The following TNFRSF1A variants were observed in gnomAD, a reference collection of about 807,000 sequenced individuals.
TNFRSF1A encodes tumor necrosis factor receptor superfamily member 1A.
Under a neutral mutation model 41.6 loss-of-function variants are expected in TNFRSF1A, and 9 were observed. That is an observed-to-expected ratio of 0.22 (90% CI 0.13 to 0.38). TNFRSF1A has a LOEUF of 0.38. TNFRSF1A is among the 10% of genes least tolerant of loss of function. The pLI is 1.00. For missense variants in TNFRSF1A, 463 were observed against 591.5 expected (o/e 0.78, Z 2.25); for synonymous variants, 254 against 248.6 (o/e 1.02, Z -0.21).
At chr12:6,332,427 C>A (rs1948062138) in intron 5 of TNFRSF1A, among the ~76,000 whole-genome samples, 1 of 127,028 alleles carries the variant, frequency 7.9e-6, no homozygotes, top group East Asian at 2.2e-4. Context: ...GAGTGAAACC[C>A]TGTCTCAAAA....
chr12:6,338,306 G>A (rs1025962340), intron 1 of TNFRSF1A, among the ~76,000 whole-genome samples: 5 of 151,908 alleles, frequency 3.3e-5, no homozygotes, highest in South Asian at 2.1e-4. Context: ...TATCCCTGCC[G>A]CCATCCCATG....
rs199915817 is a variant in TNFRSF1A at position 6,341,895 on chromosome 12, C to T, written c.-81G>A. On this transcript the variant is annotated 5_prime_UTR_variant, in exon 1 of 10. Coordinates refer to ENST00000162749, the MANE Select transcript of TNFRSF1A (RefSeq NM_001065.4). This position sits in a 1 kb window ranked among gnomAD's most constrained non-coding sequence, Gnocchi z 4.6. ...GGCAGTGCTGGGGCTTCCCGGGACTCGGTCTGTCCAGGACGTCCCAAGTGC... is the reference window on the plus strand; with the variant it reads ...GGCAGTGCTGGGGCTTCCCGGGACTTGGTCTGTCCAGGACGTCCCAAGTGC... 1.4e-4 allele frequency: 217 copies of T among 1,537,974 alleles called. 3 individuals are homozygous for T. The highest frequency in any genetic ancestry group is 1.7e-4 in the Middle Eastern group (1 of 5,946).
rs4149581 is a variant in TNFRSF1A, at chr12:6,337,819, T to A, written c.40-3575A>T. Among the ~76,000 whole-genome samples the A allele has an allele frequency of 2.6e-5, 4 of 151,888 alleles. No homozygotes were observed. The highest frequency in any genetic ancestry group is 7.2e-5 in the African/African-American group (3 of 41,488). On this transcript the variant is annotated intron_variant, in intron 1 of 9. Coordinates refer to ENST00000162749, the MANE Select transcript of TNFRSF1A (RefSeq NM_001065.4). The surrounding 1 kb of genome is among the most constrained non-coding windows in gnomAD (Gnocchi z 4.6). ...AGTGTCTTATCCTCCCCTGGTGTCCTCTCAGCTCCCAGAACCAGACCTCCA... is the reference window on the plus strand; with the variant it reads ...AGTGTCTTATCCTCCCCTGGTGTCCACTCAGCTCCCAGAACCAGACCTCCA...
At chr12:6,335,293 G>C (rs1201139927) in intron 1 of TNFRSF1A, among the ~76,000 whole-genome samples, 1 of 152,150 alleles carries the variant, frequency 6.6e-6, no homozygotes, top group Non-Finnish European at 1.5e-5. Context: ...GGGTAGACGG[G>C]GGACAAAGTT....
Position 6,330,152 on chromosome 12 carries a change from G to C in TNFRSF1A, c.769-86C>G, listed in dbSNP as rs11064142. ...TATTCTACGTGGGGGTTGGGACTTA[G>C]AGGGAATGAGGCGAGCCCCCGGAAA... On this transcript the variant is annotated intron_variant, in intron 8 of 9. Coordinates refer to ENST00000162749, the MANE Select transcript of TNFRSF1A (RefSeq NM_001065.4). The C allele has an allele frequency of 7.1e-5, 115 of 1,611,654 alleles. No homozygotes were observed. The South Asian group carries it at 1.1e-3, about 16-fold the overall frequency.
At position 6,330,587 on chromosome 12, in the gene TNFRSF1A, C is replaced by A; in HGVS notation, c.739+11G>T. ...CACCAGCTCCCTCTCCCTCCCAAAG[C>A]CCCCACTCACCAATGGAGTAGAGCT... On this transcript the variant is annotated intron_variant, in intron 7 of 9. Transcript: ENST00000162749. 6.3e-7 allele frequency: 1 copy of A among 1,594,412 alleles called. No individual in the cohort carries two copies. The highest frequency in any genetic ancestry group is 1.1e-5 in the South Asian group (1 of 90,530).
intron 5 of TNFRSF1A, chr12:6,331,455 G>A (rs1323302733): frequency 4.8e-6 from 1 of 209,994 alleles, no homozygotes; most frequent in African/African-American, 2.3e-5. Context: ...CGGGGAGTCG[G>A]GGTCAAACAT....
chr12:6,333,044 C>T lies in TNFRSF1A; in HGVS notation c.551+25G>A, dbSNP rs374243635. ...TCCCAACCCATGCCACCATCCAGTG[C>T]CCAGCAGCTCTCAGAGATACTCACT... On this transcript the variant is annotated intron_variant, in intron 5 of 9. Coordinates refer to ENST00000162749, the MANE Select transcript of TNFRSF1A (RefSeq NM_001065.4). This position sits in a 1 kb window ranked among gnomAD's most constrained non-coding sequence, Gnocchi z 6.3. 4 of 1,608,278 alleles carry T rather than the reference C, an allele frequency of 2.5e-6. No homozygotes were observed. In the African/African-American group the frequency reaches 5.3e-5, roughly 21 times the overall value.
In TNFRSF1A at chr12:6,333,971, G is replaced by T; in HGVS notation, c.194-106C>A. The T allele has an allele frequency of 6.2e-7, 1 of 1,609,926 alleles. No homozygotes were observed. Among genetic ancestry groups the T allele is most frequent in the South Asian group, 1.1e-5 (1 of 90,812 alleles). On this transcript the variant is annotated intron_variant, in intron 2 of 9. Coordinates refer to ENST00000162749, the MANE Select transcript of TNFRSF1A (RefSeq NM_001065.4). The surrounding 1 kb of genome is among the most constrained non-coding windows in gnomAD (Gnocchi z 6.3). ...ATTCCCTGAAGTCTCTAGGAGAGGA[G>T]GGAGGGAGAAAATCCCAGCCCAGGA...
At chr12:6,331,716 A>G (rs1485040799) in intron 5 of TNFRSF1A, 1 of 164,236 alleles carries the variant, frequency 6.1e-6, no homozygotes, top group Non-Finnish European at 1.3e-5. Flanking sequence ...TTTCAAGAAG[A>G]GATGAAGCCG....
chr12:6,330,776 G>C, intron 6 of TNFRSF1A, 65 bp from the exon 7 acceptor site: 1 of 1,576,272 alleles, frequency 6.3e-7, no homozygotes, highest in Non-Finnish European at 8.7e-7. Flanking sequence ...TAGATGGATG[G>C]GTGGGATGGA....
Position 6,333,625 on chromosome 12 carries a change from C to T in TNFRSF1A, c.323-109G>A. On this transcript the variant is annotated intron_variant, in intron 3 of 9. Coordinates refer to ENST00000162749, the MANE Select transcript of TNFRSF1A (RefSeq NM_001065.4). This position sits in a 1 kb window ranked among gnomAD's most constrained non-coding sequence, Gnocchi z 6.3. ...TCTGTAATACACACTCACATCCATGCAGTGTCCCACCAAAACACACACCTT... is the reference window on the plus strand; with the variant it reads ...TCTGTAATACACACTCACATCCATGTAGTGTCCCACCAAAACACACACCTT... The T allele has an allele frequency of 6.3e-7, 1 of 1,577,572 alleles. No individual in the cohort carries two copies. The highest frequency in any genetic ancestry group is 8.6e-7 in the Non-Finnish European group (1 of 1,158,972).
At chr12:6,332,644 T>C (rs947787190) in intron 5 of TNFRSF1A, among the ~76,000 whole-genome samples, 10 of 152,002 alleles carry the variant, frequency 6.6e-5, no homozygotes, top group Non-Finnish European at 1.3e-4. Context: ...GGAAATACCA[T>C]ATTGCATCAA....
rs1463246386 is a variant in TNFRSF1A at position 6,337,995 on chromosome 12, C to T, written c.40-3751G>A. ...TATCTCCGGGGGAGAGTTTTCAGAC[C>T]ATCCCCCCACCTCCCCACACACAAG... On this transcript the variant is annotated intron_variant, in intron 1 of 9. Transcript: ENST00000162749. The surrounding 1 kb of genome is among the most constrained non-coding windows in gnomAD (Gnocchi z 4.6). Among the ~76,000 whole-genome samples the T allele has an allele frequency of 6.6e-6, 1 of 152,056 alleles. No individual in the cohort carries two copies. The highest frequency in any genetic ancestry group is 1.9e-4 in the East Asian group (1 of 5,192).
At chr12:6,335,806 G>A (rs1180067906) in intron 1 of TNFRSF1A, among the ~76,000 whole-genome samples, 4 of 152,156 alleles carry the variant, frequency 2.6e-5, no homozygotes, top group South Asian at 2.1e-4. Context: ...AGTCAGCCAC[G>A]GGGAGACGCT....
In TNFRSF1A at chr12:6,332,880, A is replaced by T. The variant is rs556454151; in HGVS notation, c.551+189T>A. On this transcript the variant is annotated intron_variant, in intron 5 of 9. Transcript: ENST00000162749. ...GGGGCATGATCTTCCATCCTCAAAG[A>T]CTTCTTCAGATTTGAAGAGCAAGGG... Among the ~76,000 whole-genome samples the T allele has an allele frequency of 4.7e-4, 72 of 152,294 alleles. No homozygotes were observed. The South Asian group carries it at 6.0e-3, about 13-fold the overall frequency.
In TNFRSF1A at chr12:6,330,940, C is replaced by T. The variant is rs200381667; in HGVS notation, c.552-14G>A. 22 of 1,611,960 alleles carry T rather than the reference C, an allele frequency of 1.4e-5. No homozygotes were observed. The East Asian group carries it at 2.5e-4, about 18-fold the overall frequency. ...CTTTTCTTACAGCTAAAAGAAGAGA[C>T]GGCACTGGTGAACAGAGGCCCTACC... On this transcript the variant is annotated splice_polypyrimidine_tract_variant and intron_variant, in intron 5 of 9. Coordinates refer to ENST00000162749, the MANE Select transcript of TNFRSF1A (RefSeq NM_001065.4).
At chr12:6,331,137 G>T in intron 5 of TNFRSF1A, 1 of 608,878 alleles carries the variant, frequency 1.6e-6, no homozygotes, top group Non-Finnish European at 3.0e-6. Context: ...AAAAGGCTGT[G>T]TAGAAAATGT....
At chr12:6,340,790 A>G (rs964645937) in intron 1 of TNFRSF1A, among the ~76,000 whole-genome samples, 9 of 152,156 alleles carry the variant, frequency 5.9e-5, no homozygotes, top group African/African-American at 2.2e-4. Context: ...CTGCCTGACT[A>G]GATGGGCCCA....
Sources: allele counts gnomAD v4.1 joint callset (sites outside exome capture counted in the v4.1 genomes callset), GRCh38; gene constraint gnomAD v4.1.1; non-coding constraint Gnocchi (gnomAD v3.1); transcripts MANE v1.5; gene names NCBI Gene and HGNC (gene_info 2026-07-23, HGNC 2026-07-21).